The following MOGAT1 variants were observed in gnomAD, a reference collection of about 807,000 sequenced individuals.
The protein encoded by MOGAT1 is monoacylglycerol O-acyltransferase 1.
MOGAT1 carries 32 observed loss-of-function variants against 31.4 expected under a neutral mutation model. That is an observed-to-expected ratio of 1.02 (90% CI 0.77 to 1.37). MOGAT1 has a LOEUF of 1.37. Ranked by LOEUF, MOGAT1 falls within the 40% of genes most tolerant of loss-of-function variation. MOGAT1 has a pLI of 0.00. For synonymous variants in MOGAT1, 145 were observed against 144.5 expected (o/e 1.00, Z -0.03); for missense variants, 426 against 402.0 (o/e 1.06, Z -0.51).
chr2:222,691,453 C>T (rs1574973886), intron 3 of MOGAT1, among the ~76,000 whole-genome samples: 1 of 152,168 alleles, frequency 6.6e-6, no homozygotes, highest in East Asian at 1.9e-4. Flanking sequence ...AGGTGATCCA[C>T]CCAGCTCGGC....
In MOGAT1 at chr2:222,671,695, G is replaced by C. The variant is rs1022557086; in HGVS notation, c.-91G>C. On this transcript the variant is annotated 5_prime_UTR_variant, in exon 1 of 6. Coordinates refer to ENST00000446656, the MANE Select transcript of MOGAT1 (RefSeq NM_058165.3). Reference sequence around the variant, plus strand: ...CCGCCCAGCCAGTGCCCAGCGCGGGGCCCGGATCCGGCCGGGCACTTCCCA... The same window carrying C: ...CCGCCCAGCCAGTGCCCAGCGCGGGCCCCGGATCCGGCCGGGCACTTCCCA... The C allele has an allele frequency of 1.8e-6, 2 of 1,105,052 alleles. No homozygotes were observed. Among genetic ancestry groups the C allele is most frequent in the Non-Finnish European group, 2.6e-6 (2 of 756,428 alleles). 68.5% of individuals were successfully genotyped at this position (1,105,052 alleles called of 1,614,324 possible).
At chr2:222,673,045 C>T (rs533793394) in intron 1 of MOGAT1, among the ~76,000 whole-genome samples, 13 of 151,884 alleles carry the variant, frequency 8.6e-5, no homozygotes, top group African/African-American at 2.7e-4. Flanking sequence ...TGCCGAGTAG[C>T]TGGGGTTACA....
intron 3 of MOGAT1, among the ~76,000 whole-genome samples, chr2:222,692,034 A>G (rs1692770118): frequency 6.6e-6 from 1 of 152,178 alleles, no homozygotes; most frequent in Non-Finnish European, 1.5e-5. Flanking sequence ...AGGACTTTCG[A>G]TTTTATTTTG....
chr2:222,697,348 C>A (rs573592588), intron 5 of MOGAT1, among the ~76,000 whole-genome samples: 1 of 152,026 alleles, frequency 6.6e-6, no homozygotes, highest in Non-Finnish European at 1.5e-5. Flanking sequence ...ACAGTAATTA[C>A]GTTTATTATT....
intron 1 of MOGAT1, among the ~76,000 whole-genome samples, chr2:222,687,078 C>A (rs1454047717): frequency 8.0e-6 from 1 of 124,678 alleles, no homozygotes; most frequent in Non-Finnish European, 1.6e-5. Context: ...TGCACCCATG[C>A]ACTCTAGTGT....
chr2:222,688,471 G>A lies in MOGAT1; in HGVS notation c.222G>A (p.Trp74Ter). 2 of 1,613,582 alleles carry A rather than the reference G, an allele frequency of 1.2e-6. No homozygotes were observed. Among genetic ancestry groups the A allele is most frequent in the South Asian group, 2.2e-5 (2 of 90,954 alleles). The change falls in exon 2 of 6, where the codon TGG (tryptophan) becomes TGA (stop). Residue 74 changes from tryptophan to a stop codon, truncating the protein, a stop_gained. Coordinates refer to ENST00000446656, the MANE Select transcript of MOGAT1 (RefSeq NM_058165.3). LOFTEE classifies it high-confidence loss of function. The stretch of plus-strand genomic sequence containing the variant: ...AGCGAGGAGGCAGGAGATCCAGCTG[G>A]ATCAAAAATTGGACTCTTTGGAAAC... Reference protein sequence around the residue: ...TPERGGRRSSWIKNWTLWKHF... With the variant: ...TPERGGRRSS
chr2:222,690,439 C>G (rs983785268), intron 3 of MOGAT1, among the ~76,000 whole-genome samples: 1 of 151,996 alleles, frequency 6.6e-6, no homozygotes, highest in Non-Finnish European at 1.5e-5. Context: ...CGCCTGTAAT[C>G]CCAGCTACTC....
At chr2:222,706,158 A>G (rs1444666861) in intron 5 of MOGAT1, among the ~76,000 whole-genome samples, 2 of 152,218 alleles carry the variant, frequency 1.3e-5, no homozygotes, top group East Asian at 3.8e-4. Flanking sequence ...CACAGTTTAA[A>G]GGGATAAGTC....
chr2:222,695,044 A>G, intron 4 of MOGAT1, 45 bp from the exon 5 acceptor site: 3 of 1,440,528 alleles, frequency 2.1e-6, no homozygotes, highest in South Asian at 1.4e-5. Context: ...AATTATTTGA[A>G]TCCTTTTCAT....
At chr2:222,693,112 A>T (rs765001472) in intron 3 of MOGAT1, among the ~76,000 whole-genome samples, 2 of 152,232 alleles carry the variant, frequency 1.3e-5, no homozygotes, top group Non-Finnish European at 2.9e-5. Context: ...CTATGTCTTT[A>T]TAAAGACTGT....
chr2:222,703,418 G>T (rs1692957756), intron 5 of MOGAT1, among the ~76,000 whole-genome samples: 1 of 151,868 alleles, frequency 6.6e-6, no homozygotes, highest in South Asian at 2.1e-4. Flanking sequence ...TTTTTTGTTT[G>T]TTTGTTTGTT....
chr2:222,672,588 T>C (rs1692436234), intron 1 of MOGAT1, among the ~76,000 whole-genome samples: 2 of 152,144 alleles, frequency 1.3e-5, no homozygotes, highest in Admixed American at 1.3e-4. Context: ...TTCATATTTG[T>C]TCTGCTCTTG....
intron 5 of MOGAT1, among the ~76,000 whole-genome samples, chr2:222,698,002 G>A (rs1236963514): frequency 2.6e-5 from 4 of 152,086 alleles, no homozygotes; most frequent in Admixed American, 6.5e-5. Flanking sequence ...CAGAAGGACC[G>A]AATTATCAGA....
At position 222,685,339 on chromosome 2, in the gene MOGAT1, T is replaced by C. The variant is rs1466332884; in HGVS notation, c.95-3005T>C. 2.0e-5 allele frequency among the ~76,000 whole-genome samples: 3 copies of C among 152,144 alleles called. No individual in the cohort carries two copies. The East Asian group carries it at 5.8e-4, about 29-fold the overall frequency. ...TACACCCTCATGTTATTTATTCCCT[T>C]TGTGGCATTTGGAAACAGGAGCTGT... On this transcript the variant is annotated intron_variant, in intron 1 of 5. Transcript: ENST00000446656.
chr2:222,706,502 G>A (rs1693006025), intron 5 of MOGAT1, among the ~76,000 whole-genome samples: 1 of 131,356 alleles, frequency 7.6e-6, no homozygotes, highest in Non-Finnish European at 1.7e-5. Context: ...TTCCATATGT[G>A]AGCATGCTTA....
At chr2:222,676,677 G>T (rs1402215329) in intron 1 of MOGAT1, among the ~76,000 whole-genome samples, 1 of 152,170 alleles carries the variant, frequency 6.6e-6, no homozygotes, top group African/African-American at 2.4e-5. Flanking sequence ...TTCTTCCAAA[G>T]TATTATATCA....
At chr2:222,677,699 T>C in intron 1 of MOGAT1, 1 of 422,506 alleles carries the variant, frequency 2.4e-6, no homozygotes, top group South Asian at 2.0e-5. Context: ...TAGCAGCCTT[T>C]CTTGTCTTTT....
chr2:222,678,710 G>A lies in MOGAT1; in HGVS notation c.94+6831G>A, dbSNP rs1196613968. Among the ~76,000 whole-genome samples the A allele has an allele frequency of 2.0e-5, 3 of 152,262 alleles. No individual in the cohort carries two copies. In the East Asian group the frequency reaches 5.8e-4, roughly 29 times the overall value. On this transcript the variant is annotated intron_variant, in intron 1 of 5. Coordinates refer to ENST00000446656, the MANE Select transcript of MOGAT1 (RefSeq NM_058165.3). ...AATCCCAGCACTTTGAGAGGCCGAG[G>A]CAGGTGAATCACCTGAGGTCAGGAG...
intron 5 of MOGAT1, among the ~76,000 whole-genome samples, chr2:222,705,505 A>G (rs1431987481): frequency 6.6e-6 from 1 of 152,178 alleles, no homozygotes; most frequent in Non-Finnish European, 1.5e-5. Context: ...CCTTTTGCAG[A>G]AGGTGAAGTG....
Sources: gnomAD v4.1 joint callset for allele counts (sites outside exome capture counted in the v4.1 genomes callset) on GRCh38, gnomAD v4.1.1 for gene constraint, MANE v1.5 for transcripts, NCBI Gene and HGNC (gene_info 2026-07-23, HGNC 2026-07-21) for gene names.